PIP4K2A: variants seen among roughly 807,000 people sequenced by gnomAD.
PIP4K2A encodes the protein phosphatidylinositol 5-phosphate 4-kinase type-2 alpha.
Under a neutral mutation model 42.9 loss-of-function variants are expected in PIP4K2A, and 14 were observed. That is an observed-to-expected ratio of 0.33 (90% CI 0.22 to 0.51). The LOEUF is 0.51. Among genes scored for constraint, PIP4K2A ranks in the 20% least tolerant of loss-of-function variants. The pLI, the probability that PIP4K2A is intolerant of heterozygous loss-of-function variation, is 0.97. For synonymous variants in PIP4K2A, 192 were observed against 192.2 expected, an observed-to-expected ratio of 1.00 and a Z score of 0.01; for missense variants, 434 against 519.8, an observed-to-expected ratio of 0.83 and a Z score of 1.61.
intron 1 of PIP4K2A, among the ~76,000 whole-genome samples, chr10:22,679,089 A>G (rs544116522): frequency 2.0e-5 from 3 of 152,364 alleles, no homozygotes; most frequent in South Asian, 2.1e-4. Context: ...GAAGTGGACT[A>G]TATCAAAATT....
At chr10:22,654,624 G>T (rs565469295) in intron 1 of PIP4K2A, among the ~76,000 whole-genome samples, 2 of 152,238 alleles carry the variant, frequency 1.3e-5, no homozygotes, top group South Asian at 2.1e-4. Flanking sequence ...TGATTCAGGG[G>T]TAGTCAAGTG....
chr10:22,676,365 C>G (rs927705720), intron 1 of PIP4K2A, among the ~76,000 whole-genome samples: 4 of 152,148 alleles, frequency 2.6e-5, no homozygotes, highest in African/African-American at 9.7e-5. Context: ...GGCCATGTAA[C>G]AGCCCAAAGA....
At chr10:22,705,419 C>A (rs1230638983) in intron 1 of PIP4K2A, among the ~76,000 whole-genome samples, 1 of 105,424 alleles carries the variant, frequency 9.5e-6, no homozygotes, top group African/African-American at 3.9e-5. Context: ...ATATTCAGTA[C>A]CCCAGTTAAA....
At chr10:22,672,637 G>A (rs1442349942) in intron 1 of PIP4K2A, among the ~76,000 whole-genome samples, 1 of 152,180 alleles carries the variant, frequency 6.6e-6, no homozygotes. Flanking sequence ...TACGTCCAGA[G>A]GAGATGGATG....
intron 1 of PIP4K2A, among the ~76,000 whole-genome samples, chr10:22,707,873 C>G (rs1178337295): frequency 6.6e-6 from 1 of 152,186 alleles, no homozygotes; most frequent in African/African-American, 2.4e-5. Context: ...CTTGAACTTG[C>G]TAGGACATAT....
chr10:22,709,175 T>C (rs1405623049), intron 1 of PIP4K2A, among the ~76,000 whole-genome samples: 1 of 152,206 alleles, frequency 6.6e-6, no homozygotes, highest in Admixed American at 6.5e-5. Context: ...GATCTGGTTC[T>C]TTTAATATAT....
intron 6 of PIP4K2A, among the ~76,000 whole-genome samples, chr10:22,553,422 G>A (rs1836458762): frequency 6.6e-6 from 1 of 152,216 alleles, no homozygotes; most frequent in Admixed American, 6.5e-5. Flanking sequence ...TTCCATAGAT[G>A]CAGAAAGGGG....
chr10:22,578,144 C>T (rs143115904), intron 4 of PIP4K2A, among the ~76,000 whole-genome samples: 1 of 152,302 alleles, frequency 6.6e-6, no homozygotes, highest in African/African-American at 2.4e-5. Flanking sequence ...TGGGTATATG[C>T]TACCAATTTT....
chr10:22,580,388 G>A (rs1418982076), intron 4 of PIP4K2A, among the ~76,000 whole-genome samples: 1 of 151,984 alleles, frequency 6.6e-6, no homozygotes, highest in African/African-American at 2.4e-5. Context: ...AGTGGCTCAT[G>A]CCTGCAGTCC....
At position 22,693,608 on chromosome 10, in the gene PIP4K2A, T is replaced by G. The variant is rs78833168; in HGVS notation, c.144+20575A>C. Among the ~76,000 whole-genome samples, 110 of 152,232 alleles carry G rather than the reference T, an allele frequency of 7.2e-4. 1 individual carries two copies. The highest frequency in any genetic ancestry group is 2.6e-3 in the African/African-American group (106 of 41,522). On this transcript the variant is annotated intron_variant, in intron 1 of 9. Coordinates refer to ENST00000376573, the MANE Select transcript of PIP4K2A (RefSeq NM_005028.5). ...AGAGCCGAGAGATCTGAGAGAGAAA[T>G]TAGTTTTTAGAAAGTCAGATATCAA...
intron 4 of PIP4K2A, among the ~76,000 whole-genome samples, chr10:22,584,890 G>C (rs988768120): frequency 1.3e-5 from 2 of 152,170 alleles, no homozygotes; most frequent in Non-Finnish European, 2.9e-5. Context: ...AAGGGCCCAA[G>C]AGCAGATTCA....
chr10:22,569,749 T>C (rs950888733), intron 5 of PIP4K2A, among the ~76,000 whole-genome samples: 5 of 152,096 alleles, frequency 3.3e-5, no homozygotes, highest in African/African-American at 1.2e-4. Context: ...GCTTCATCTG[T>C]ATGCAAATGC....
At chr10:22,593,357 A>AAG (rs1452241647) in intron 3 of PIP4K2A, among the ~76,000 whole-genome samples, 1 of 152,206 alleles carries the variant, frequency 6.6e-6, no homozygotes, top group African/African-American at 2.4e-5. Context: ...GAAAAAAAAA[A>AAG]ATCTACATAA....
intron 1 of PIP4K2A, among the ~76,000 whole-genome samples, chr10:22,676,290 T>C (rs529340492): frequency 1.8e-4 from 27 of 152,310 alleles, no homozygotes; most frequent in Middle Eastern, 3.4e-3. Context: ...TCAAGATGTA[T>C]TCCCTTCGTA....
chr10:22,542,145 T>A, intron 7 of PIP4K2A, 98 bp from the exon 8 acceptor site: 1 of 1,125,196 alleles, frequency 8.9e-7, no homozygotes, highest in Non-Finnish European at 1.3e-6. Flanking sequence ...GGGAAGGCTG[T>A]GGGGTGGGGC....
chr10:22,597,453 C>T (rs1459039836), intron 3 of PIP4K2A, among the ~76,000 whole-genome samples: 1 of 152,168 alleles, frequency 6.6e-6, no homozygotes, highest in African/African-American at 2.4e-5. Context: ...TGAGAATTGT[C>T]GGAGGTTCTT....
intron 8 of PIP4K2A, 37 bp from the exon 9 acceptor site, chr10:22,540,111 G>A: frequency 2.8e-6 from 2 of 722,010 alleles, no homozygotes; most frequent in Non-Finnish European, 2.4e-6. Context: ...TGGGACATGT[G>A]ACAACACCAG....
chr10:22,616,746 A>C (rs1838185296), intron 1 of PIP4K2A, among the ~76,000 whole-genome samples: 2 of 152,212 alleles, frequency 1.3e-5, no homozygotes, highest in Non-Finnish European at 2.9e-5. Flanking sequence ...TAAAATACAC[A>C]CTTAACTGAA....
intron 4 of PIP4K2A, among the ~76,000 whole-genome samples, chr10:22,590,908 C>T (rs12772257): frequency 0.28 from 41,970 of 152,050 alleles, 6,169 homozygotes; most frequent in African/African-American, 0.31. Context: ...GCTTAGTAAG[C>T]GACCTGGCTG....
Sources: allele counts gnomAD v4.1 joint callset (sites outside exome capture counted in the v4.1 genomes callset), GRCh38; gene constraint gnomAD v4.1.1; transcripts MANE v1.5; gene names NCBI Gene and HGNC (gene_info 2026-07-23, HGNC 2026-07-21).